HEATR4: variants seen among roughly 807,000 people sequenced by gnomAD.
HEATR4 encodes HEAT repeat-containing protein 4.
In HEATR4, 95 loss-of-function variants were observed where a neutral mutation model predicts 108.8. The ratio of observed to expected loss-of-function variants is 0.87; its 90% CI spans 0.74 to 1.04. The LOEUF is 1.04. Among genes scored for constraint, HEATR4 ranks in the 50% least tolerant of loss-of-function variants. The pLI is 0.00. For synonymous variants in HEATR4, 443 were observed against 459.4 expected (o/e 0.96, Z 0.46); for missense variants, 1,152 against 1,253.8 (o/e 0.92, Z 1.23).
chr14:73,529,245 C>G (rs1888548637), intron 2 of HEATR4: 1 of 148,968 alleles, frequency 6.7e-6, no homozygotes, highest in African/African-American at 2.5e-5. Flanking sequence ...ATCCCAGCTA[C>G]TTGGGAGGCT....
the HEATR4 span, among the ~76,000 whole-genome samples, chr14:73,630,961 T>A: frequency 6.6e-6 from 1 of 152,136 alleles, no homozygotes; most frequent in Non-Finnish European, 1.5e-5. Context: ...CTTTAACAAG[T>A]CCTTGCTTTT....
intron 11 of HEATR4, 59 bp from the exon 12 acceptor site, chr14:73,500,789 AC>A: frequency 6.8e-7 from 1 of 1,479,444 alleles, no homozygotes. Flanking sequence ...CTAACCCCCA[AC>A]CCCCACTAAT....
chr14:73,484,510 C>T (rs538417907), intron 17 of HEATR4, among the ~76,000 whole-genome samples: 1 of 152,080 alleles, frequency 6.6e-6, no homozygotes, highest in South Asian at 2.1e-4. Flanking sequence ...ACCTGAGTAG[C>T]TGGGATTATA....
intron 8 of HEATR4, 77 bp downstream of exon 8, chr14:73,509,235 G>T: frequency 7.3e-7 from 1 of 1,369,176 alleles, no homozygotes; most frequent in Non-Finnish European, 1.0e-6. Context: ...TCACAGTGGA[G>T]AGGAAAGGAC....
the HEATR4 span, chr14:73,569,103 C>T: frequency 9.6e-7 from 1 of 1,043,426 alleles, no homozygotes; most frequent in South Asian, 1.6e-5. Flanking sequence ...GTGGAGGTTT[C>T]AACACAGGAG....
At chr14:73,487,267 T>TA (rs1291998116) in intron 17 of HEATR4, among the ~76,000 whole-genome samples, 3 of 149,674 alleles carry the variant, frequency 2.0e-5, no homozygotes, top group Admixed American at 1.4e-4. Context: ...GTTTATTGTT[T>TA]AAAAAATACT....
the HEATR4 span, chr14:73,569,321 C>A: frequency 2.2e-5 from 36 of 1,613,838 alleles, 1 homozygote; most frequent in Non-Finnish European, 2.7e-5. Context: ...CTCCTGCTGT[C>A]CTTCGAGCGT....
intron 5 of HEATR4, chr14:73,517,621 A>G (rs1429593127): frequency 7.3e-6 from 1 of 137,240 alleles, no homozygotes; most frequent in African/African-American, 2.7e-5. Flanking sequence ...GTGAGCCATG[A>G]TTGTACCACT....
At chr14:73,574,494 C>G in the HEATR4 span, 1 of 332,102 alleles carries the variant, frequency 3.0e-6, no homozygotes, top group Non-Finnish European at 5.7e-6. Context: ...AACTCCTGAC[C>G]TCAAATGATC....
At chr14:73,621,485 A>G in the HEATR4 span, among the ~76,000 whole-genome samples, 1 of 152,146 alleles carries the variant, frequency 6.6e-6, no homozygotes, top group Admixed American at 6.6e-5. Flanking sequence ...GTCTGCCTCA[A>G]CCTACTGCAG....
chr14:73,510,590 C>T (rs568181987), intron 7 of HEATR4, among the ~76,000 whole-genome samples: 1 of 152,236 alleles, frequency 6.6e-6, no homozygotes, highest in East Asian at 1.9e-4. Flanking sequence ...CACCTGTCAC[C>T]ACGCCTGGCT....
At position 73,493,065 on chromosome 14, in the gene HEATR4, C is replaced by G; in HGVS notation, c.2844+1G>C. Reference sequence around the variant, plus strand: ...ATAAGCATCAGTGTGCTCACATTTACCTTTATCACTGCTTCAGTGTCACAA... The same window carrying G: ...ATAAGCATCAGTGTGCTCACATTTAGCTTTATCACTGCTTCAGTGTCACAA... On this transcript the variant is annotated splice_donor_variant, in intron 17 of 17. Transcript: ENST00000553558. LOFTEE classifies it high-confidence loss of function. 1 of 1,604,048 alleles carries G rather than the reference C, an allele frequency of 6.2e-7. No individual in the cohort carries two copies. The highest frequency in any genetic ancestry group is 8.5e-7 in the Non-Finnish European group (1 of 1,177,150).
chr14:73,620,769 T>C, the HEATR4 span, among the ~76,000 whole-genome samples: 1 of 151,734 alleles, frequency 6.6e-6, no homozygotes, highest in Non-Finnish European at 1.5e-5. Flanking sequence ...GGTTTCACCA[T>C]GTTGGCCAGG....
the HEATR4 span, among the ~76,000 whole-genome samples, chr14:73,613,309 G>A: frequency 1.3e-5 from 2 of 152,030 alleles, no homozygotes; most frequent in African/African-American, 4.8e-5. Context: ...TCCCTCCCTG[G>A]AGGCACCACC....
the HEATR4 span, chr14:73,592,085 G>A: frequency 2.1e-4 from 312 of 1,489,356 alleles, 2 homozygotes; most frequent in East Asian, 6.7e-3. Context: ...GCGACGAGAA[G>A]GGCGCGCTCT....
rs993933524 is a variant in HEATR4, at chr14:73,490,109, T to G, written c.2844+2957A>C. 5.3e-5 allele frequency among the ~76,000 whole-genome samples: 8 copies of G among 152,308 alleles called. 1 individual carries two copies. The highest frequency in any genetic ancestry group is 5.2e-4 in the Admixed American group (8 of 15,300). ...GTAGCCATTTCTCCTGGGGAGTCTC[T>G]AGTAACTTGATTTTGTGCTTCTTCT... On this transcript the variant is annotated intron_variant, in intron 17 of 17. Coordinates refer to ENST00000553558, the MANE Select transcript of HEATR4 (RefSeq NM_001220484.1).
chr14:73,626,789 CTTTTTTTTTTT>C, the HEATR4 span, among the ~76,000 whole-genome samples: 3 of 82,348 alleles, frequency 3.6e-5, no homozygotes, highest in African/African-American at 1.2e-4. Context: ...GACAAACAGC[CTTTTTTTTTTT>C]TTTTTTTTTT....
chr14:73,552,686 C>T lies in HEATR4; in HGVS notation c.-152+6065G>A, dbSNP rs570785281. Among the ~76,000 whole-genome samples, 116 of 111,126 alleles carry T rather than the reference C, an allele frequency of 1.0e-3. 27 individuals carry two copies. In the South Asian group the frequency reaches 0.033, roughly 31 times the overall value. The allele number at this position is 111,126 out of a possible 152,430, so 72.9% of individuals were successfully genotyped here. A position where few individuals can be genotyped will look rare whatever the true frequency, so the allele number is the denominator to read the frequency against. ...AACCACTGTCAACCCCAACTTAGACCAGTGCATCCCACAGCTATTCTAGCA... is the reference window on the plus strand; with the variant it reads ...AACCACTGTCAACCCCAACTTAGACTAGTGCATCCCACAGCTATTCTAGCA... On this transcript the variant is annotated intron_variant, in intron 1 of 17. Transcript: ENST00000553558.
At chr14:73,579,012 G>C in the HEATR4 span, among the ~76,000 whole-genome samples, 16 of 149,832 alleles carry the variant, frequency 1.1e-4, 1 homozygote, top group African/African-American at 3.7e-4. Context: ...GTGAACCCGG[G>C]ATGTGGAGCT....
Sources: gnomAD v4.1 joint callset for allele counts (sites outside exome capture counted in the v4.1 genomes callset) on GRCh38, gnomAD v4.1.1 for gene constraint, MANE v1.5 for transcripts, NCBI Gene and HGNC (gene_info 2026-07-23, HGNC 2026-07-21) for gene names.